The following GDI2 variants were observed in gnomAD, a reference collection of about 807,000 sequenced individuals.
GDI2 encodes the protein GDP dissociation inhibitor 2.
A neutral mutation model predicts 54.2 loss-of-function variants in GDI2; 22 were observed. The ratio of observed to expected loss-of-function variants is 0.41; its 90% CI spans 0.29 to 0.58. The LOEUF is 0.58. Among genes scored for constraint, GDI2 ranks in the 20% least tolerant of loss-of-function variants. The probability of loss-of-function intolerance (pLI) is 0.35; values close to 1 mark genes in which losing one functional copy is unlikely to be tolerated. For synonymous variants in GDI2, 177 were observed against 182.1 expected (o/e 0.97, Z 0.23); for missense variants, 422 against 546.0 (o/e 0.77, Z 2.26).
At chr10:5,797,421 T>C (rs7076584) in intron 2 of GDI2, among the ~76,000 whole-genome samples, 14,116 of 151,886 alleles carry the variant, frequency 0.093, 780 homozygotes, top group East Asian at 0.15. Context: ...GGCAGATGCC[T>C]GTAATCCCAG....
chr10:5,794,751 G>GCAC lies in GDI2; in HGVS notation c.388+133_388+134insGTG. On this transcript the variant is annotated intron_variant, in intron 4 of 10. Coordinates refer to ENST00000380191, the MANE Select transcript of GDI2 (RefSeq NM_001494.4). ...TCACTGATGTGTTCCCAACTGCCTA[G>GCAC]AACAGTGTCTGGCACATGATAGACA... is the stretch of plus-strand genomic sequence containing the variant. The GCAC allele has an allele frequency of 8.9e-6, 6 of 677,908 alleles. No homozygotes were observed. The Middle Eastern group carries it at 1.2e-3, about 138-fold the overall frequency. The allele number at this position is 677,908 out of a possible 1,614,324, so 42.0% of individuals were successfully genotyped here. A position where few individuals can be genotyped will look rare whatever the true frequency, so the allele number is the denominator to read the frequency against.
chr10:5,790,206 A>G (rs2131703311), intron 4 of GDI2, among the ~76,000 whole-genome samples: 1 of 152,362 alleles, frequency 6.6e-6, no homozygotes, highest in African/African-American at 2.4e-5. Flanking sequence ...CAGACAGACA[A>G]TTCATCTCAT....
At chr10:5,804,385 C>T (rs542626056) in intron 1 of GDI2, among the ~76,000 whole-genome samples, 2 of 152,116 alleles carry the variant, frequency 1.3e-5, no homozygotes, top group African/African-American at 2.4e-5. Context: ...TGAACCACTA[C>T]GCCCAGCCTG....
Position 5,768,370 on chromosome 10 carries a change from C to T in GDI2, c.834G>A (p.Lys278=), listed in dbSNP as rs779789164. The T allele has an allele frequency of 6.2e-7, 1 of 1,612,040 alleles. No homozygotes were observed. Among genetic ancestry groups the T allele is most frequent in the South Asian group, 1.1e-5 (1 of 91,056 alleles). The change falls in exon 8 of 11, where the codon AAG becomes AAA. Residue 278 remains lysine (K), a synonymous_variant. Transcript: ENST00000380191. This position sits in a 1 kb window ranked among gnomAD's most constrained non-coding sequence, Gnocchi z 4.4. ...CGTAGCTGGGGTCACAGATGAGCTGCTTACAGCGAGCAATCTATAACAAAG... is the reference window on the plus strand; with the variant it reads ...CGTAGCTGGGGTCACAGATGAGCTGTTTACAGCGAGCAATCTATAACAAAG... ...VKSEGEIARC[K]QLICDPSYVK...
rs1429145172 is a variant in GDI2 at position 5,766,029 on chromosome 10, T to C, written c.1315A>G (p.Asn439Asp). The part of the protein sequence containing the change: ...FDFEEMKRKK[N>D]DIYGED ...TGTTAGTCTTCCCCATAGATGTCATTCTTCTTGCGCTTCATTTCCTCAAAG... is the reference window on the plus strand; with the variant it reads ...TGTTAGTCTTCCCCATAGATGTCATCCTTCTTGCGCTTCATTTCCTCAAAG... Residue 439 changes from asparagine (N) to aspartate (D), a missense_variant, in exon 11 of 11, where the codon AAT (asparagine) becomes GAT (aspartate). Physicochemically the swap from Asn to Asp is conservative, Grantham distance 23. Coordinates refer to ENST00000380191, the MANE Select transcript of GDI2 (RefSeq NM_001494.4). This position sits in a 1 kb window ranked among gnomAD's most constrained non-coding sequence, Gnocchi z 5.8. The C allele has an allele frequency of 6.3e-7, 1 of 1,586,006 alleles. No homozygotes were observed.
At chr10:5,797,138 A>T (rs116784317) in intron 2 of GDI2, among the ~76,000 whole-genome samples, 2,074 of 152,298 alleles carry the variant, frequency 0.014, 47 homozygotes, top group African/African-American at 0.048. Flanking sequence ...GGCCAGACGC[A>T]ATGGCTCATG....
Position 5,776,357 on chromosome 10 carries a change from G to C in GDI2, c.720-2416C>G. Reference sequence around the variant, plus strand: ...CCTCTGCTGAGGATGCAGAGAGCCAGAGCCCCCTTTCTCAGAAGCACAGCC... The same window carrying C: ...CCTCTGCTGAGGATGCAGAGAGCCACAGCCCCCTTTCTCAGAAGCACAGCC... On this transcript the variant is annotated intron_variant, in intron 6 of 10. Coordinates refer to ENST00000380191, the MANE Select transcript of GDI2 (RefSeq NM_001494.4). This position sits in a 1 kb window ranked among gnomAD's most constrained non-coding sequence, Gnocchi z 5.3. 1 of 677,426 alleles carries C rather than the reference G, an allele frequency of 1.5e-6. No homozygotes were observed. The highest frequency in any genetic ancestry group is 2.7e-5 in the East Asian group (1 of 37,622). The allele number at this position is 677,426 out of a possible 1,614,324, so 42.0% of individuals were successfully genotyped here.
intron 6 of GDI2, among the ~76,000 whole-genome samples, chr10:5,784,494 G>A (rs1168150043): frequency 6.6e-6 from 1 of 152,176 alleles, no homozygotes; most frequent in Non-Finnish European, 1.5e-5. Flanking sequence ...GAGTGTCAAA[G>A]AACCCTGTTT....
At chr10:5,801,819 T>G (rs1252770512) in intron 1 of GDI2, among the ~76,000 whole-genome samples, 1 of 152,250 alleles carries the variant, frequency 6.6e-6, no homozygotes, top group East Asian at 1.9e-4. Context: ...CAGACCAGCC[T>G]GGGCAATACG....
At chr10:5,811,292 G>A (rs1030643109) in intron 1 of GDI2, among the ~76,000 whole-genome samples, 6 of 152,124 alleles carry the variant, frequency 3.9e-5, no homozygotes, top group African/African-American at 1.2e-4. Flanking sequence ...GCTACAAAAT[G>A]ACAGCAGAAA....
chr10:5,774,103 A>C lies in GDI2; in HGVS notation c.720-162T>G, dbSNP rs1564389186. 1.2e-5 allele frequency among the ~76,000 whole-genome samples: 1 copy of C among 86,904 alleles called. No individual in the cohort carries two copies. The highest frequency in any genetic ancestry group is 2.9e-5 in the Non-Finnish European group (1 of 34,494). 57.0% of individuals were successfully genotyped at this position (86,904 alleles called of 152,430 possible). On this transcript the variant is annotated intron_variant, in intron 6 of 10. Transcript: ENST00000380191. This position sits in a 1 kb window ranked among gnomAD's most constrained non-coding sequence, Gnocchi z 4.8. ...ATTAAAGCAAGAAAACAGAGTCAAA[A>C]ACACAAACATAATCAGTTATAAATA... is the stretch of plus-strand genomic sequence containing the variant.
In GDI2 at chr10:5,770,178, CAT is replaced by C. The variant is rs139036497; in HGVS notation, c.820-1796_820-1795del. Among the ~76,000 whole-genome samples, 931 of 152,232 alleles carry C rather than the reference CAT, an allele frequency of 6.1e-3. 16 individuals carry two copies. Among genetic ancestry groups the C allele is most frequent in the South Asian group, 0.045 (216 of 4,824 alleles). On this transcript the variant is annotated intron_variant, in intron 7 of 10. Coordinates refer to ENST00000380191, the MANE Select transcript of GDI2 (RefSeq NM_001494.4). ...TTATATAAAATATAGTAGTTAAAAT[CAT>C]AGAGAAAGAAAGTAGAATGGTGCTT...
rs1364347572 is a variant in GDI2 at position 5,766,152 on chromosome 10, T to C, written c.1192A>G (p.Ile398Val). The C allele has an allele frequency of 6.2e-7, 1 of 1,613,878 alleles. No individual in the cohort carries two copies. Among genetic ancestry groups the C allele is most frequent in the South Asian group, 1.1e-5 (1 of 91,072 alleles). ...GCATCATATGTGCGGGAAATAAAGA[T>C]CTGAAAACAAAAATTACGAAGACTT... ...VPKDLGTESQ[I>V]FISRTYDATT... is the part of the protein sequence containing the mutation. The change falls in exon 11 of 11, where the codon ATC becomes GTC. Residue 398 changes from isoleucine to valine, a missense_variant and splice_region_variant. Ile to Val is a conservative substitution (Grantham distance 29, BLOSUM62 3). Coordinates refer to ENST00000380191, the MANE Select transcript of GDI2 (RefSeq NM_001494.4). The surrounding 1 kb of genome is among the most constrained non-coding windows in gnomAD (Gnocchi z 5.8).
At chr10:5,785,546 T>C (rs980385160) in intron 5 of GDI2, among the ~76,000 whole-genome samples, 2 of 152,090 alleles carry the variant, frequency 1.3e-5, no homozygotes, top group East Asian at 3.9e-4. Flanking sequence ...CAACTAATTT[T>C]TGCATTTTTA....
At chr10:5,770,427 G>A (rs769109098) in intron 7 of GDI2, among the ~76,000 whole-genome samples, 1 of 151,964 alleles carries the variant, frequency 6.6e-6, no homozygotes, top group Non-Finnish European at 1.5e-5. Flanking sequence ...CGGGCGTGGT[G>A]GTATGCATCT....
Position 5,799,557 on chromosome 10 carries a change from C to T in GDI2, c.153+1041G>A, listed in dbSNP as rs141320065. Among the ~76,000 whole-genome samples the T allele has an allele frequency of 2.7e-3, 414 of 152,264 alleles. 2 individuals are homozygous for T. Among genetic ancestry groups the T allele is most frequent in the African/African-American group, 9.4e-3 (392 of 41,540 alleles). On this transcript the variant is annotated intron_variant, in intron 2 of 10. Coordinates refer to ENST00000380191, the MANE Select transcript of GDI2 (RefSeq NM_001494.4). ...ATCCCAGCTACTTGGGAGGCTGAGGCAGAAGAATCACCTGAACCCAGAAGG... is the reference window on the plus strand; with the variant it reads ...ATCCCAGCTACTTGGGAGGCTGAGGTAGAAGAATCACCTGAACCCAGAAGG...
At chr10:5,782,542 T>C (rs188122078) in intron 6 of GDI2, among the ~76,000 whole-genome samples, 4 of 152,260 alleles carry the variant, frequency 2.6e-5, no homozygotes, top group African/African-American at 9.6e-5. Flanking sequence ...AGTGCCTTCA[T>C]TCATAATAGC....
chr10:5,768,405 A>C lies in GDI2; in HGVS notation c.820-21T>G. 6.6e-7 allele frequency: 1 copy of C among 1,524,562 alleles called. No individual in the cohort carries two copies. Among genetic ancestry groups the C allele is most frequent in the African/African-American group, 1.4e-5 (1 of 73,308 alleles). 94.4% of individuals were successfully genotyped at this position (1,524,562 alleles called of 1,614,324 possible). A position where few individuals can be genotyped will look rare whatever the true frequency, so the allele number is the denominator to read the frequency against. ...GCAATCTATAACAAAGCATTTAAGA[A>C]GACACTGAAGCGGACAAGGATATAG... is the stretch of plus-strand genomic sequence containing the variant. On this transcript the variant is annotated intron_variant, in intron 7 of 10. Transcript: ENST00000380191. This position sits in a 1 kb window ranked among gnomAD's most constrained non-coding sequence, Gnocchi z 4.4.
At chr10:5,788,166 A>G (rs1247891489) in intron 4 of GDI2, among the ~76,000 whole-genome samples, 1 of 152,050 alleles carries the variant, frequency 6.6e-6, no homozygotes, top group East Asian at 1.9e-4. Context: ...AAAAAGTTCA[A>G]ATCAATAACG....
Sources: gnomAD v4.1 joint callset for allele counts (sites outside exome capture counted in the v4.1 genomes callset) on GRCh38, gnomAD v4.1.1 for gene constraint, Gnocchi (gnomAD v3.1) non-coding constraint, MANE v1.5 for transcripts, NCBI Gene and HGNC (gene_info 2026-07-23, HGNC 2026-07-21) for gene names.